KIR3DL1: variants seen among roughly 807,000 people sequenced by gnomAD.
The protein encoded by KIR3DL1 is killer cell immunoglobulin-like receptor 3DL1.
KIR3DL1 carries 50 observed loss-of-function variants against 40.3 expected under a neutral mutation model. That is an observed-to-expected ratio of 1.24 (90% CI 0.99 to 1.57). KIR3DL1 has a LOEUF of 1.57. Among genes scored for constraint, KIR3DL1 ranks in the 40% most tolerant of loss-of-function variants. The probability of loss-of-function intolerance (pLI) is 0.00; values close to 1 mark genes in which losing one functional copy is unlikely to be tolerated. For synonymous variants in KIR3DL1, 257 were observed against 207.2 expected, an observed-to-expected ratio of 1.24 and a Z score of -2.07; for missense variants, 661 against 559.9, an observed-to-expected ratio of 1.18 and a Z score of -1.82.
chr19:54,827,411 A>AAACCCTATCTCTACATGGT (rs2061959351), intron 6 of KIR3DL1, among the ~76,000 whole-genome samples: 2 of 147,304 alleles, frequency 1.4e-5, no homozygotes, highest in Admixed American at 1.3e-4. Flanking sequence ...GCCAACATGG[A>AAACCCTATCTCTACATGGT]GAAACCCTAT....
At chr19:54,819,117 T>G (rs1340408960) in intron 3 of KIR3DL1, among the ~76,000 whole-genome samples, 1 of 151,212 alleles carries the variant, frequency 6.6e-6, no homozygotes, top group African/African-American at 2.4e-5. Context: ...TGTAGACACC[T>G]TGATTTCAGC....
At chr19:54,825,193 A>G (rs1369472089) in intron 6 of KIR3DL1, 115 bp downstream of exon 6, 15 of 764,234 alleles carry the variant, frequency 2.0e-5, no homozygotes, top group African/African-American at 3.6e-5. Flanking sequence ...GTCTTCCACC[A>G]TCTCTGAACT....
chr19:54,829,905 T>A, intron 7 of KIR3DL1, 23 bp from the exon 8 acceptor site: 1 of 1,522,754 alleles, frequency 6.6e-7, no homozygotes, highest in Non-Finnish European at 8.9e-7. Flanking sequence ...CCGAGCTCTT[T>A]TGTTGACTTC....
intron 6 of KIR3DL1, among the ~76,000 whole-genome samples, chr19:54,825,419 C>G (rs1427079932): frequency 7.0e-6 from 1 of 143,400 alleles, no homozygotes; most frequent in Non-Finnish European, 1.5e-5. Context: ...AAGGGAACAT[C>G]TGATGAGGGC....
intron 5 of KIR3DL1, among the ~76,000 whole-genome samples, chr19:54,824,496 G>A (rs1317913293): frequency 6.6e-5 from 10 of 151,214 alleles, no homozygotes; most frequent in African/African-American, 1.5e-4. Flanking sequence ...GGCCAACAGA[G>A]TGAAACCTCG....
rs370327019 is a variant in KIR3DL1, at chr19:54,822,185, A to C, written c.949+327A>C. Among the ~76,000 whole-genome samples, 17 of 151,130 alleles carry C rather than the reference A, an allele frequency of 1.1e-4. 3 individuals carry two copies. Among genetic ancestry groups the C allele is most frequent in the East Asian group, 3.9e-4 (2 of 5,162 alleles). On this transcript the variant is annotated intron_variant, in intron 5 of 8. Transcript: ENST00000391728. ...CTTATCCATTTCCCAGAAGCCCATC[A>C]TGGCCTCTCACCCACACAGAGAGAT...
rs773929676 is a variant in KIR3DL1, at chr19:54,819,942, C to A, written c.585C>A (p.Cys195Ter). Reference sequence around the variant, plus strand: ...TTGCCCTTGCAGGGACCTACAGATGCTACGGTTCTGTTACTCACACCCCCT... The same window carrying A: ...TTGCCCTTGCAGGGACCTACAGATGATACGGTTCTGTTACTCACACCCCCT... Residue 195 changes from cysteine to a stop codon, truncating the protein, a stop_gained, in exon 4 of 9, where the codon TGC becomes TGA. Transcript: ENST00000391728. LOFTEE classifies it high-confidence loss of function. 1 of 1,612,020 alleles carries A rather than the reference C, an allele frequency of 6.2e-7. No individual in the cohort carries two copies. The highest frequency in any genetic ancestry group is 8.5e-7 in the Non-Finnish European group (1 of 1,179,448).
rs1026966877 is a variant in KIR3DL1, at chr19:54,819,929, G to A, written c.572G>A (p.Gly191Glu). The change falls in exon 4 of 9, where the codon GGG becomes GAG. Residue 191 changes from glycine to glutamate, a missense_variant. Around this residue, in one of 3 missense-constraint regions of KIR3DL1, gnomAD observed 548 missense variants for 413.3 expected, o/e 1.33. Coordinates refer to ENST00000391728, the Ensembl canonical transcript of KIR3DL1. The stretch of plus-strand genomic sequence containing the variant: ...GGTCCCATGATGCTTGCCCTTGCAG[G>A]GACCTACAGATGCTACGGTTCTGTT... 62 of 1,611,904 alleles carry A rather than the reference G, an allele frequency of 3.8e-5. No homozygotes were observed. Among genetic ancestry groups the A allele is most frequent in the Middle Eastern group, 1.6e-4 (1 of 6,070 alleles).
intron 1 of KIR3DL1, among the ~76,000 whole-genome samples, chr19:54,817,119 A>T (rs2061385165): frequency 7.0e-6 from 1 of 142,650 alleles, no homozygotes; most frequent in Non-Finnish European, 1.5e-5. Context: ...TGGAAAGGAG[A>T]TATGGGCCTG....
At chr19:54,830,447 G>T in exon 9 of KIR3DL1, 1 of 833,960 alleles carries the variant, frequency 1.2e-6, no homozygotes, top group East Asian at 2.6e-5. Flanking sequence ...GCTTACAAAT[G>T]TCTAGGTCCC....
intron 1 of KIR3DL1, among the ~76,000 whole-genome samples, chr19:54,817,066 G>C (rs2061381556): frequency 6.7e-6 from 1 of 149,564 alleles, no homozygotes; most frequent in East Asian, 2.0e-4. Flanking sequence ...GTGGAGATAT[G>C]GGCCTGGGGT....
At chr19:54,816,500 C>T in exon 1 of KIR3DL1, 1 of 1,606,766 alleles carries the variant, frequency 6.2e-7, no homozygotes, top group South Asian at 1.1e-5. Context: ...CCGGCAGCAC[C>T]ATGTCGCTCA....
At chr19:54,828,367 A>C (rs2062019737) in intron 6 of KIR3DL1, among the ~76,000 whole-genome samples, 4 of 151,400 alleles carry the variant, frequency 2.6e-5, no homozygotes, top group Admixed American at 2.6e-4. Flanking sequence ...CACCTCCTGG[A>C]CTGCACCTGG....
intron 5 of KIR3DL1, among the ~76,000 whole-genome samples, chr19:54,823,411 G>C (rs1028264025): frequency 2.0e-5 from 3 of 151,210 alleles, no homozygotes; most frequent in Non-Finnish European, 2.9e-5. Flanking sequence ...TACCAACAGG[G>C]TACCAGGGTT....
intron 6 of KIR3DL1, among the ~76,000 whole-genome samples, chr19:54,826,003 C>G (rs1280622670): frequency 6.6e-6 from 1 of 151,280 alleles, no homozygotes; most frequent in Non-Finnish European, 1.5e-5. Context: ...ATCATAATCT[C>G]CCGGAAATCA....
At chr19:54,816,749 GGA>G (rs2061354667) in intron 1 of KIR3DL1, among the ~76,000 whole-genome samples, 1 of 141,258 alleles carries the variant, frequency 7.1e-6, no homozygotes, top group African/African-American at 2.8e-5. Context: ...GGCCTGGAGT[GGA>G]GATATGGGCC....
At chr19:54,819,408 T>C (rs1176745447) in intron 3 of KIR3DL1, among the ~76,000 whole-genome samples, 2 of 131,272 alleles carry the variant, frequency 1.5e-5, no homozygotes, top group African/African-American at 5.2e-5. Flanking sequence ...ATGCAGCCTG[T>C]CCTCTTCCAC....
At chr19:54,825,933 C>T (rs1276606635) in intron 6 of KIR3DL1, among the ~76,000 whole-genome samples, 27 of 151,334 alleles carry the variant, frequency 1.8e-4, no homozygotes, top group African/African-American at 6.1e-4. Context: ...TGCTGCTCTC[C>T]CTTCTTCCTT....
chr19:54,817,466 C>A (rs1226454548), intron 1 of KIR3DL1, 68 bp from the exon 2 acceptor site: 3 of 1,296,812 alleles, frequency 2.3e-6, no homozygotes, highest in East Asian at 2.7e-5. Context: ...GACGCACAGC[C>A]CAGTGGGGGC....
Sources: gnomAD v4.1 joint callset for allele counts (sites outside exome capture counted in the v4.1 genomes callset) on GRCh38, gnomAD v4.1.1 for gene constraint, gnomAD v4.1.1 regional missense constraint, MANE v1.5 for transcripts, NCBI Gene and HGNC (gene_info 2026-07-23, HGNC 2026-07-21) for gene names.